Variants in MGAM2 observed in about 807,000 individuals in gnomAD.
The protein encoded by MGAM2 is maltase-glucoamylase 2 (putative).
MGAM2 carries 98 observed loss-of-function variants against 96.1 expected under a neutral mutation model. The ratio of observed to expected loss-of-function variants is 1.02; its 90% CI spans 0.87 to 1.21. The LOEUF is 1.21. MGAM2 is among the 50% of genes most tolerant of loss of function. The pLI is 0.00. For missense variants in MGAM2, 2,055 were observed against 1,182.4 expected (o/e 1.74, Z -10.82); for synonymous variants, 749 against 414.8 (o/e 1.81, Z -9.79).
At chr7:142,123,840 C>T (rs182267828) in intron 3 of MGAM2, among the ~76,000 whole-genome samples, 258 of 151,952 alleles carry the variant, frequency 1.7e-3, no homozygotes, top group African/African-American at 5.7e-3. Flanking sequence ...TTGCCTACTC[C>T]GAGGTCAGAA....
chr7:142,121,840 A>G (rs907260189), intron 3 of MGAM2, among the ~76,000 whole-genome samples: 1 of 151,876 alleles, frequency 6.6e-6, no homozygotes, highest in African/African-American at 2.4e-5. Flanking sequence ...TCTTTGTATT[A>G]ATATTATCTT....
intron 2 of MGAM2, among the ~76,000 whole-genome samples, chr7:142,117,461 C>A (rs1484336741): frequency 6.6e-6 from 1 of 152,056 alleles, no homozygotes; most frequent in African/African-American, 2.4e-5. Context: ...TCTCAGGCAC[C>A]CAGAAGCATC....
chr7:142,171,751 AG>A (rs1189681015), intron 28 of MGAM2, among the ~76,000 whole-genome samples: 3 of 149,268 alleles, frequency 2.0e-5, no homozygotes, highest in Non-Finnish European at 4.4e-5. Context: ...TCTACTTGTC[AG>A]GCACATTGCT....
intron 6 of MGAM2, among the ~76,000 whole-genome samples, chr7:142,133,605 T>C (rs1032807452): frequency 4.6e-5 from 7 of 152,114 alleles, no homozygotes; most frequent in African/African-American, 1.7e-4. Context: ...GCAAAATACC[T>C]ATCCTCAACA....
At chr7:142,117,567 CT>C (rs894102233) in intron 2 of MGAM2, among the ~76,000 whole-genome samples, 60 of 152,234 alleles carry the variant, frequency 3.9e-4, no homozygotes, top group African/African-American at 1.3e-3. Context: ...TGAATTTGGG[CT>C]TTGTTCTGCT....
rs565584477 is a variant in MGAM2 at position 142,171,296 on chromosome 7, C to A, written c.3207C>A (p.Phe1069Leu). 2.3e-4 allele frequency: 162 copies of A among 702,742 alleles called. 2 individuals carry two copies. In the South Asian group the frequency reaches 2.4e-3, roughly 10 times the overall value. 43.5% of individuals were successfully genotyped at this position (702,742 alleles called of 1,614,324 possible). Reference sequence around the variant, plus strand: ...GTTGGGATTCTCAACTCCCTGGCTTCATCTTCAATGACATGTTTCTCTCCA... The same window carrying A: ...GTTGGGATTCTCAACTCCCTGGCTTAATCTTCAATGACATGTTTCTCTCCA... The part of the protein sequence containing the change: ...TVIWDSQLPG[F>L]IFNDMFLSIS... The change falls in exon 28 of 48, where the codon TTC (phenylalanine) becomes TTA (leucine). Residue 1069 changes from phenylalanine (F) to leucine (L), a missense_variant. Phe to Leu is a conservative substitution (Grantham distance 22). Coordinates refer to ENST00000477922, the MANE Select transcript of MGAM2 (RefSeq NM_001293626.2).
At chr7:142,206,162 C>T (rs1797393836) in intron 45 of MGAM2, among the ~76,000 whole-genome samples, 1 of 152,050 alleles carries the variant, frequency 6.6e-6, no homozygotes, top group Non-Finnish European at 1.5e-5. Flanking sequence ...ATTCTTATGT[C>T]AGCACTGCAC....
intron 29 of MGAM2, among the ~76,000 whole-genome samples, 167 bp downstream of exon 29, chr7:142,172,361 G>A (rs1585185734): frequency 6.6e-6 from 1 of 152,264 alleles, no homozygotes; most frequent in Admixed American, 6.5e-5. Flanking sequence ...AAGAACTCTG[G>A]ATCAGGTGTT....
chr7:142,179,307 G>C (rs1177456218), intron 32 of MGAM2, among the ~76,000 whole-genome samples: 2 of 152,138 alleles, frequency 1.3e-5, no homozygotes, highest in Admixed American at 6.5e-5. Flanking sequence ...CTTGGAGAGA[G>C]AGAGTTTGAC....
intron 44 of MGAM2, 50 bp downstream of exon 44, chr7:142,198,789 G>A (rs1797133647): frequency 1.5e-6 from 1 of 677,626 alleles, no homozygotes; most frequent in Admixed American, 2.2e-5. Context: ...CCGTAATGAG[G>A]AAGCCTTACA....
At chr7:142,158,191 T>C (rs1004731261) in intron 18 of MGAM2, 57 bp from the exon 19 acceptor site, 2 of 701,274 alleles carry the variant, frequency 2.9e-6, no homozygotes, top group Middle Eastern at 2.3e-4. Flanking sequence ...TTACATAATG[T>C]GCCATTGTCC....
intron 33 of MGAM2, 89 bp downstream of exon 33, chr7:142,183,462 G>A: frequency 1.6e-6 from 1 of 643,954 alleles, no homozygotes; most frequent in Non-Finnish European, 2.8e-6. Context: ...AAATATATTG[G>A]ACAATCAATA....
In MGAM2 at chr7:142,183,334, C is replaced by A; in HGVS notation, c.3885C>A (p.Phe1295Leu). 1 of 703,136 alleles carries A rather than the reference C, an allele frequency of 1.4e-6. No homozygotes were observed. The highest frequency in any genetic ancestry group is 1.5e-5 in the South Asian group (1 of 67,528). The allele number at this position is 703,136 out of a possible 1,614,324, so 43.6% of individuals were successfully genotyped here. Residue 1295 changes from phenylalanine (F) to leucine (L), a missense_variant, in exon 33 of 48, where the codon TTC (phenylalanine) becomes TTA (leucine). Transcript: ENST00000477922. Reference protein sequence around the residue: ...PFIRGQENNVFIKWPDTNDIV... With the variant: ...PFIRGQENNVLIKWPDTNDIV... Reference sequence around the variant, plus strand: ...TTAGAGGACAGGAAAATAACGTGTTCATCAAATGGCCTGACACCAATGACA... The same window carrying A: ...TTAGAGGACAGGAAAATAACGTGTTAATCAAATGGCCTGACACCAATGACA...
chr7:142,215,575 A>C (rs758070859), intron 46 of MGAM2, among the ~76,000 whole-genome samples: 3 of 152,072 alleles, frequency 2.0e-5, no homozygotes, highest in Non-Finnish European at 4.4e-5. Context: ...AGCCTGACCA[A>C]CATGGAGAAA....
At chr7:142,206,825 G>A (rs999733778) in intron 45 of MGAM2, among the ~76,000 whole-genome samples, 5 of 152,156 alleles carry the variant, frequency 3.3e-5, no homozygotes, top group African/African-American at 9.7e-5. Context: ...TCTATTAGCA[G>A]ACTTGGAACC....
chr7:142,196,344 C>G, intron 38 of MGAM2, 57 bp downstream of exon 38: 1 of 680,274 alleles, frequency 1.5e-6, no homozygotes, highest in East Asian at 2.7e-5. Context: ...GGAGTTTGTG[C>G]TGTTCAACAG....
chr7:142,209,474 G>A (rs958450749), intron 46 of MGAM2, among the ~76,000 whole-genome samples: 2 of 152,154 alleles, frequency 1.3e-5, no homozygotes, highest in African/African-American at 4.8e-5. Context: ...GATCCCATTG[G>A]TAATCTACAT....
intron 15 of MGAM2, among the ~76,000 whole-genome samples, chr7:142,149,153 C>G (rs191300013): frequency 6.6e-6 from 1 of 151,702 alleles, no homozygotes; most frequent in Non-Finnish European, 1.5e-5. Flanking sequence ...CGCTTGAACC[C>G]GGGAGACGGA....
chr7:142,219,936 G>A lies in MGAM2; in HGVS notation c.5425G>A (p.Asp1809Asn), dbSNP rs758570336. ...LEKLTEVTWIDGGPVLPTPTK... is the reference protein window; with the variant it reads ...LEKLTEVTWINGGPVLPTPTK... ...AAAGTTAACTGAGGTTACTTGGATT[G>A]ATGGTGGTCCTGTACTTCCTACTCC... The change falls in exon 48 of 48, where the codon GAT (aspartate) becomes AAT (asparagine). Residue 1809 changes from aspartate to asparagine, a missense_variant. Asp to Asn is a conservative substitution (Grantham distance 23). Coordinates refer to ENST00000477922, the MANE Select transcript of MGAM2 (RefSeq NM_001293626.2). The A allele has an allele frequency of 4.1e-5, 29 of 702,652 alleles. No individual in the cohort carries two copies. In the South Asian group the frequency reaches 4.3e-4, roughly 10 times the overall value. 43.5% of individuals were successfully genotyped at this position (702,652 alleles called of 1,614,324 possible). A position where few individuals can be genotyped will look rare whatever the true frequency, so the allele number is the denominator to read the frequency against.
Sources: gnomAD v4.1 joint callset for allele counts (sites outside exome capture counted in the v4.1 genomes callset) on GRCh38, gnomAD v4.1.1 for gene constraint, MANE v1.5 for transcripts, NCBI Gene and HGNC (gene_info 2026-07-23, HGNC 2026-07-21) for gene names.